PLCG2: variants seen among roughly 807,000 people sequenced by gnomAD.
The protein encoded by PLCG2 is phospholipase C gamma 2, also known as 1-phosphatidylinositol 4,5-bisphosphate phosphodiesterase gamma-2.
A neutral mutation model predicts 175.6 loss-of-function variants in PLCG2; 69 were observed. The ratio of observed to expected loss-of-function variants is 0.39; its 90% CI spans 0.32 to 0.48. PLCG2 has a LOEUF of 0.48. PLCG2 is among the 20% of genes least tolerant of loss of function. PLCG2 has a pLI of 0.91. For missense variants in PLCG2, 1,798 were observed against 1,650.9 expected (o/e 1.09, Z -1.54); for synonymous variants, 827 against 624.0 (o/e 1.33, Z -4.85).
At chr16:81,818,248 A>G (rs1904639376) in intron 2 of PLCG2, among the ~76,000 whole-genome samples, 1 of 152,178 alleles carries the variant, frequency 6.6e-6, no homozygotes, top group Non-Finnish European at 1.5e-5. Flanking sequence ...TGGCTCAGTC[A>G]GCTCCTCACT....
At chr16:81,901,599 A>G (rs772903356) in intron 14 of PLCG2, among the ~76,000 whole-genome samples, 1 of 152,164 alleles carries the variant, frequency 6.6e-6, no homozygotes, top group Admixed American at 6.5e-5. Context: ...AAAAAATTAC[A>G]TCTTTATTTG....
In PLCG2 at chr16:81,937,813, C is replaced by T. The variant is rs763328510; in HGVS notation, c.3108C>T (p.Tyr1036=). Residue 1036 remains tyrosine, a synonymous_variant, in exon 28 of 33, where the codon TAC becomes TAT. Coordinates refer to ENST00000564138, the MANE Select transcript of PLCG2 (RefSeq NM_002661.5). ...TTTCTCTCAATGGGCGCACGGGCTA[C>T]GTTCTGCAGCCTGAGAGCATGAGGA... The part of the protein sequence containing the change: ...ALFSLNGRTG[Y]VLQPESMRTE... The T allele has an allele frequency of 5.0e-6, 8 of 1,613,802 alleles. No individual in the cohort carries two copies. The highest frequency in any genetic ancestry group is 4.5e-5 in the East Asian group (2 of 44,896).
At chr16:81,856,695 G>A (rs1906702943) in intron 3 of PLCG2, among the ~76,000 whole-genome samples, 1 of 152,220 alleles carries the variant, frequency 6.6e-6, no homozygotes, top group Admixed American at 6.5e-5. Flanking sequence ...TCCATGGGAA[G>A]CTGAATACTG....
intron 23 of PLCG2, among the ~76,000 whole-genome samples, chr16:81,928,152 C>T (rs1390997905): frequency 6.6e-6 from 1 of 152,078 alleles, no homozygotes; most frequent in African/African-American, 2.4e-5. Context: ...GGTCATAGAG[C>T]ATGGGTGTTG....
chr16:81,882,807 C>G (rs1295864428), intron 8 of PLCG2, among the ~76,000 whole-genome samples: 2 of 152,158 alleles, frequency 1.3e-5, no homozygotes, highest in South Asian at 4.1e-4. Context: ...CCACCTCACT[C>G]TCTGGAGCTC....
chr16:81,859,484 C>T (rs1434050403), intron 5 of PLCG2, among the ~76,000 whole-genome samples: 1 of 152,074 alleles, frequency 6.6e-6, no homozygotes, highest in Admixed American at 6.6e-5. Flanking sequence ...GGCACCAGCC[C>T]ATGCTTTGTG....
chr16:81,891,434 C>G (rs751925934), intron 10 of PLCG2, 38 bp from the exon 11 acceptor site: 2 of 1,128,350 alleles, frequency 1.8e-6, no homozygotes, highest in African/African-American at 1.5e-5. Flanking sequence ...TCCTGCCCGT[C>G]AACGTGATGA....
chr16:81,912,815 T>C (rs1234764408), intron 19 of PLCG2, 99 bp downstream of exon 19: 1 of 1,398,730 alleles, frequency 7.1e-7, no homozygotes, highest in Non-Finnish European at 9.5e-7. Flanking sequence ...TCACCTGCAG[T>C]GCCCTGCCCC....
At chr16:81,891,209 A>G (rs1908614908) in intron 10 of PLCG2, among the ~76,000 whole-genome samples, 1 of 152,226 alleles carries the variant, frequency 6.6e-6, no homozygotes. Flanking sequence ...TATGGTAAGC[A>G]TAAACCCTTG....
In PLCG2 at chr16:81,744,399, T is replaced by G. The variant is rs536936033; in HGVS notation, c.-145+5014T>G. 3.8e-3 allele frequency among the ~76,000 whole-genome samples: 572 copies of G among 149,908 alleles called. 4 individuals carry two copies. The highest frequency in any genetic ancestry group is 0.014 in the African/African-American group (551 of 40,718). ...AGGATGGTCTCAATCTCCTGACCTC[T>G]TGATCTGCCCGCCTTGCCCTCCCAA... On this transcript the variant is annotated intron_variant, in intron 1 of 5. Coordinates refer to the PLCG2 transcript ENST00000565054.
intron 2 of PLCG2, among the ~76,000 whole-genome samples, chr16:81,786,638 G>T (rs1447790304): frequency 6.6e-6 from 1 of 152,226 alleles, no homozygotes; most frequent in Non-Finnish European, 1.5e-5. Flanking sequence ...CAAGCAGGGA[G>T]AGTGAGTTGT....
intron 31 of PLCG2, among the ~76,000 whole-genome samples, chr16:81,952,860 A>G (rs972304654): frequency 3.9e-5 from 6 of 152,244 alleles, no homozygotes; most frequent in Non-Finnish European, 7.3e-5. Flanking sequence ...TTGTCCCAAA[A>G]GTGTCTTCCG....
upstream of PLCG2, among the ~76,000 whole-genome samples, chr16:81,776,131 C>T (rs1271262116): frequency 7.8e-4 from 13 of 16,726 alleles, no homozygotes; most frequent in Middle Eastern, 0.045. Flanking sequence ...TTTTTTTTGA[C>T]GGAGTCTCAC....
chr16:81,815,366 C>G (rs1904497439), intron 2 of PLCG2, among the ~76,000 whole-genome samples: 1 of 152,180 alleles, frequency 6.6e-6, no homozygotes, highest in African/African-American at 2.4e-5. Flanking sequence ...TTCTGTGTAG[C>G]TGAGCCTCTG....
chr16:81,873,553 GT>G (rs71712849), intron 7 of PLCG2, among the ~76,000 whole-genome samples: 5,141 of 146,238 alleles, frequency 0.035, 180 homozygotes, highest in African/African-American at 0.079. Flanking sequence ...GCAAATAACA[GT>G]TTTTTTTTTT....
intron 27 of PLCG2, chr16:81,937,320 C>G (rs759195744): frequency 2.0e-5 from 3 of 152,616 alleles, no homozygotes; most frequent in African/African-American, 7.2e-5. Flanking sequence ...GGGACATTAA[C>G]CAGTTTTTCC....
intron 9 of PLCG2, among the ~76,000 whole-genome samples, chr16:81,884,948 C>T (rs1276642569): frequency 6.6e-6 from 1 of 152,064 alleles, no homozygotes; most frequent in East Asian, 1.9e-4. Flanking sequence ...AGAGCAGTGG[C>T]ATGGTAACAG....
chr16:81,878,402 A>G (rs1433589268), intron 7 of PLCG2, among the ~76,000 whole-genome samples: 1 of 152,162 alleles, frequency 6.6e-6, no homozygotes, highest in Non-Finnish European at 1.5e-5. Context: ...GGTCATGCCC[A>G]TGGGTACTGG....
chr16:81,901,356 A>G (rs1403288505), intron 14 of PLCG2, among the ~76,000 whole-genome samples: 1 of 152,206 alleles, frequency 6.6e-6, no homozygotes, highest in Non-Finnish European at 1.5e-5. Context: ...TTGAATTATT[A>G]GGATAAAGAG....
Sources: gnomAD v4.1 joint callset for allele counts (sites outside exome capture counted in the v4.1 genomes callset) on GRCh38, gnomAD v4.1.1 for gene constraint, MANE v1.5 for transcripts, NCBI Gene and HGNC (gene_info 2026-07-23, HGNC 2026-07-21) for gene names.